Variants in CTNND2 observed in about 807,000 individuals in gnomAD.
CTNND2 encodes catenin delta 2.
A neutral mutation model predicts 144.4 loss-of-function variants in CTNND2; 22 were observed. That is an observed-to-expected ratio of 0.15 (90% CI 0.11 to 0.22). The LOEUF (loss-of-function observed/expected upper bound fraction) is 0.22, where lower values mean the gene tolerates loss of function less well. CTNND2 is among the 10% of genes least tolerant of loss of function. The probability of loss-of-function intolerance (pLI) is 1.00; values close to 1 mark genes in which losing one functional copy is unlikely to be tolerated. For missense variants in CTNND2, 1,353 were observed against 1,618.8 expected, an observed-to-expected ratio of 0.84 and a Z score of 2.82; for synonymous variants, 751 against 695.6, an observed-to-expected ratio of 1.08 and a Z score of -1.25.
chr5:11,171,102 T>C (rs992170609), intron 11 of CTNND2, among the ~76,000 whole-genome samples: 34 of 152,188 alleles, frequency 2.2e-4, no homozygotes, highest in Non-Finnish European at 7.3e-5. Context: ...AGAGCCAAAC[T>C]ATATCAGATA....
chr5:11,117,325 A>G, intron 13 of CTNND2, 125 bp downstream of exon 13: 1 of 732,824 alleles, frequency 1.4e-6, no homozygotes, highest in Non-Finnish European at 2.4e-6. Flanking sequence ...TTATAAGGAA[A>G]CCAGGAGAGA....
chr5:11,167,800 GC>G (rs1225966704), intron 11 of CTNND2, among the ~76,000 whole-genome samples: 2 of 150,212 alleles, frequency 1.3e-5, no homozygotes, highest in African/African-American at 2.5e-5. Context: ...AACCTCCTGA[GC>G]CCAAGTGATC....
chr5:11,352,995 G>A (rs1455494198), intron 8 of CTNND2, among the ~76,000 whole-genome samples: 1 of 149,992 alleles, frequency 6.7e-6, no homozygotes, highest in Non-Finnish European at 1.5e-5. Flanking sequence ...GTGCATTTTA[G>A]TTGTCCTCTA....
At chr5:11,708,369 G>A (rs1785835172) in intron 2 of CTNND2, among the ~76,000 whole-genome samples, 1 of 152,120 alleles carries the variant, frequency 6.6e-6, no homozygotes, top group South Asian at 2.1e-4. Context: ...AGGGGGCCAA[G>A]AAATCTCCTA....
chr5:11,400,798 G>A (rs889391801), intron 5 of CTNND2, among the ~76,000 whole-genome samples: 2 of 152,200 alleles, frequency 1.3e-5, no homozygotes, highest in African/African-American at 4.8e-5. Flanking sequence ...TGTCCTAGAA[G>A]TACAGGCAGA....
chr5:11,187,622 A>G (rs2149809845), intron 11 of CTNND2, among the ~76,000 whole-genome samples: 1 of 152,370 alleles, frequency 6.6e-6, no homozygotes, highest in East Asian at 1.9e-4. Flanking sequence ...AATTAAGCTA[A>G]AGAGCTTCTG....
At chr5:11,572,659 G>A (rs922710380) in intron 2 of CTNND2, among the ~76,000 whole-genome samples, 1 of 152,052 alleles carries the variant, frequency 6.6e-6, no homozygotes, top group African/African-American at 2.4e-5. Context: ...GCTCCTGACA[G>A]AGTCTCAGCA....
At chr5:11,506,847 T>G (rs16901688) in intron 3 of CTNND2, among the ~76,000 whole-genome samples, 6,193 of 152,316 alleles carry the variant, frequency 0.041, 432 homozygotes, top group African/African-American at 0.14. Context: ...GTCCAAAACT[T>G]AATCCATTAC....
At chr5:11,463,070 A>G (rs1177954390) in intron 3 of CTNND2, among the ~76,000 whole-genome samples, 1 of 152,218 alleles carries the variant, frequency 6.6e-6, no homozygotes, top group Non-Finnish European at 1.5e-5. Flanking sequence ...AATAGCTTTG[A>G]CAATTTAAAT....
intron 2 of CTNND2, among the ~76,000 whole-genome samples, chr5:11,570,499 G>C (rs996425486): frequency 4.6e-5 from 7 of 152,148 alleles, no homozygotes; most frequent in Admixed American, 2.0e-4. Context: ...TGAATAATAG[G>C]ACTTAGTAAA....
chr5:11,235,290 C>CA (rs935259275), intron 10 of CTNND2, among the ~76,000 whole-genome samples: 5 of 152,112 alleles, frequency 3.3e-5, no homozygotes, highest in African/African-American at 1.2e-4. Flanking sequence ...TTATGGTCTT[C>CA]AAAAAAAGAC....
chr5:11,353,139 A>T (rs1369422896), intron 8 of CTNND2, among the ~76,000 whole-genome samples: 1 of 150,572 alleles, frequency 6.6e-6, no homozygotes, highest in Non-Finnish European at 1.5e-5. Context: ...TAAATGCTAC[A>T]TGTATTTGGA....
intron 15 of CTNND2, among the ~76,000 whole-genome samples, chr5:11,089,453 T>TATTGTAAG (rs762407128): frequency 1.2e-4 from 19 of 152,248 alleles, no homozygotes; most frequent in Non-Finnish European, 2.8e-4. Context: ...TTTGTTTACA[T>TATTGTAAG]GTTTACCATA....
chr5:11,854,890 G>A (rs970292764), intron 1 of CTNND2, among the ~76,000 whole-genome samples: 1 of 152,182 alleles, frequency 6.6e-6, no homozygotes, highest in African/African-American at 2.4e-5. Flanking sequence ...GATGATGCCT[G>A]TAAAACTATA....
At chr5:11,260,115 T>C (rs546998497) in intron 9 of CTNND2, among the ~76,000 whole-genome samples, 23 of 152,298 alleles carry the variant, frequency 1.5e-4, no homozygotes, top group African/African-American at 5.5e-4. Flanking sequence ...TCATATCTAA[T>C]ATTTGCTGCT....
At chr5:11,631,834 C>T (rs1355021928) in intron 2 of CTNND2, among the ~76,000 whole-genome samples, 2 of 152,112 alleles carry the variant, frequency 1.3e-5, no homozygotes, top group Non-Finnish European at 2.9e-5. Flanking sequence ...GGAAGTTTAC[C>T]ATCCAGCCCC....
At chr5:10,998,335 G>A (rs969212378) in intron 18 of CTNND2, among the ~76,000 whole-genome samples, 2 of 152,156 alleles carry the variant, frequency 1.3e-5, no homozygotes, top group Admixed American at 1.3e-4. Context: ...CACTTTGAAT[G>A]GAGGGGAGAA....
At chr5:11,797,077 C>A (rs1791443416) in intron 1 of CTNND2, among the ~76,000 whole-genome samples, 1 of 152,154 alleles carries the variant, frequency 6.6e-6, no homozygotes, top group South Asian at 2.1e-4. Context: ...CATTACAGAT[C>A]CCGAAAATGG....
At chr5:11,068,236 C>T (rs1237197903) in intron 16 of CTNND2, among the ~76,000 whole-genome samples, 1 of 152,188 alleles carries the variant, frequency 6.6e-6, no homozygotes, top group African/African-American at 2.4e-5. Flanking sequence ...CAGTAGTTCT[C>T]AACCTTGGCA....
Sources: gnomAD v4.1 joint callset for allele counts (sites outside exome capture counted in the v4.1 genomes callset) on GRCh38, gnomAD v4.1.1 for gene constraint, MANE v1.5 for transcripts, NCBI Gene and HGNC (gene_info 2026-07-23, HGNC 2026-07-21) for gene names.